NEBL: variants seen among roughly 807,000 people sequenced by gnomAD.
NEBL encodes the protein LIM and SH3 protein 2.
In NEBL, 122 loss-of-function variants were observed where a neutral mutation model predicts 140.2. The ratio of observed to expected loss-of-function variants is 0.87; its 90% confidence interval spans 0.75 to 1.01. The LOEUF is 1.01. NEBL is among the 50% of genes least tolerant of loss of function. The pLI, the probability that NEBL is intolerant of heterozygous loss-of-function variation, is 0.00. For synonymous variants in NEBL, 436 were observed against 398.9 expected, an observed-to-expected ratio of 1.09 and a Z score of -1.11; for missense variants, 1,365 against 1,231.3, an observed-to-expected ratio of 1.11 and a Z score of -1.62.
intron 4 of NEBL, among the ~76,000 whole-genome samples, chr10:20,905,456 A>G (rs374167218): frequency 1.3e-5 from 2 of 152,298 alleles, no homozygotes; most frequent in East Asian, 3.9e-4. Context: ...AGCCAGCAAG[A>G]GCAGGGAAAA....
At chr10:21,167,642 G>T (rs1399391166) in intron 2 of NEBL, among the ~76,000 whole-genome samples, 2 of 152,182 alleles carry the variant, frequency 1.3e-5, no homozygotes, top group Non-Finnish European at 2.9e-5. Flanking sequence ...ATGCAATTTT[G>T]ACTTATACAC....
At chr10:21,076,797 C>A (rs138871110) in intron 2 of NEBL, among the ~76,000 whole-genome samples, 1 of 152,208 alleles carries the variant, frequency 6.6e-6, no homozygotes, top group East Asian at 1.9e-4. Flanking sequence ...TTATATTTGG[C>A]CCTAGAGTAG....
intron 3 of NEBL, among the ~76,000 whole-genome samples, chr10:20,889,475 A>G (rs189645963): frequency 1.5e-3 from 227 of 152,340 alleles, no homozygotes; most frequent in African/African-American, 4.8e-3. Context: ...CCAAAATGAT[A>G]TTCAATCATT....
At chr10:21,243,346 G>A (rs996871430) in intron 3 of NEBL, among the ~76,000 whole-genome samples, 3 of 139,604 alleles carry the variant, frequency 2.1e-5, no homozygotes, top group Non-Finnish European at 3.0e-5. Context: ...GCATGCTGTC[G>A]CCTAGACTGG....
At chr10:20,961,268 T>C (rs1006852638) in intron 4 of NEBL, among the ~76,000 whole-genome samples, 1 of 152,186 alleles carries the variant, frequency 6.6e-6, no homozygotes, top group Non-Finnish European at 1.5e-5. Context: ...TCAACAAATA[T>C]CTAATTCAAA....
intron 3 of NEBL, among the ~76,000 whole-genome samples, chr10:21,241,408 G>T (rs1015317427): frequency 6.6e-6 from 1 of 152,124 alleles, no homozygotes; most frequent in Non-Finnish European, 1.5e-5. Context: ...CGCATCTGTG[G>T]CTGTTCTGCT....
At position 20,861,493 on chromosome 10, in the gene NEBL, C is replaced by G. The variant is rs572929524; in HGVS notation, c.685-1667G>C. On this transcript the variant is annotated intron_variant, in intron 7 of 27. Coordinates refer to ENST00000377122, the MANE Select transcript of NEBL (RefSeq NM_006393.3). ...CGCGCCCAGCCACAGTCTTATTGCC[C>G]TCTTCACCCTTCTGCTATACTTTTA... Among the ~76,000 whole-genome samples the G allele has an allele frequency of 1.3e-4, 20 of 152,146 alleles. No homozygotes were observed. In the East Asian group the frequency reaches 3.5e-3, roughly 27 times the overall value.
At chr10:21,010,562 C>A (rs1019054664) in intron 3 of NEBL, among the ~76,000 whole-genome samples, 19 of 151,560 alleles carry the variant, frequency 1.3e-4, no homozygotes, top group African/African-American at 4.1e-4. Flanking sequence ...CCAAGACCAA[C>A]TTTTGAAGTT....
chr10:21,161,109 T>C (rs1434128888), intron 2 of NEBL, among the ~76,000 whole-genome samples: 2 of 152,192 alleles, frequency 1.3e-5, no homozygotes, highest in Non-Finnish European at 2.9e-5. Flanking sequence ...GCATTATCAG[T>C]CCAAGCATGG....
intron 2 of NEBL, among the ~76,000 whole-genome samples, chr10:21,123,717 T>C (rs1268905932): frequency 6.9e-6 from 1 of 145,550 alleles, no homozygotes; most frequent in Non-Finnish European, 1.5e-5. Context: ...TGATCATATA[T>C]CATCAGAATA....
At chr10:21,070,151 T>A (rs187555206) in intron 2 of NEBL, 1 of 367,468 alleles carries the variant, frequency 2.7e-6, no homozygotes, top group Admixed American at 3.1e-5. Flanking sequence ...GAGTTGGAAT[T>A]TGGCCAGGAC....
chr10:20,938,638 T>C (rs929569686), intron 4 of NEBL, among the ~76,000 whole-genome samples: 16 of 151,598 alleles, frequency 1.1e-4, no homozygotes, highest in Non-Finnish European at 4.4e-5. Flanking sequence ...ATCAAACTAC[T>C]CTGAGCTAAA....
At chr10:20,939,592 C>A (rs1276782339) in intron 4 of NEBL, among the ~76,000 whole-genome samples, 1 of 152,130 alleles carries the variant, frequency 6.6e-6, no homozygotes, top group Non-Finnish European at 1.5e-5. Flanking sequence ...CAATATTAAC[C>A]TTAAACGTAA....
intron 2 of NEBL, among the ~76,000 whole-genome samples, chr10:21,038,306 C>T (rs556575859): frequency 5.3e-5 from 8 of 152,278 alleles, no homozygotes; most frequent in African/African-American, 1.4e-4. Flanking sequence ...AACCCGTTAT[C>T]TAGGTTTTAA....
At chr10:20,897,330 GCC>G (rs911975088), upstream of NEBL, 27 of 1,481,892 alleles carry the variant, frequency 1.8e-5, no homozygotes, top group Admixed American at 4.7e-4. Flanking sequence ...CCAAGCCTCA[GCC>G]CTATTTAGCC....
intron 3 of NEBL, among the ~76,000 whole-genome samples, chr10:21,006,720 C>T (rs963495101): frequency 6.6e-6 from 1 of 152,290 alleles, no homozygotes; most frequent in Middle Eastern, 3.4e-3. Context: ...TTAGGAGCCA[C>T]CCTTCTAGAG....
chr10:21,020,411 C>T (rs940495305), intron 2 of NEBL, among the ~76,000 whole-genome samples: 1 of 152,110 alleles, frequency 6.6e-6, no homozygotes, highest in African/African-American at 2.4e-5. Context: ...CTCTCTCCCA[C>T]AGCTTAACCT....
exon 4 of NEBL, chr10:20,961,708 T>C (rs1836057022): frequency 6.2e-7 from 1 of 1,613,844 alleles, no homozygotes. Flanking sequence ...TCAGTCTCTG[T>C]AGCTCAGGAG....
intron 4 of NEBL, among the ~76,000 whole-genome samples, chr10:20,928,766 C>T (rs1280606992): frequency 2.6e-5 from 4 of 152,154 alleles, no homozygotes; most frequent in Admixed American, 6.6e-5. Context: ...CTTGTATCAC[C>T]GGTTTCTCCT....
Sources: allele counts gnomAD v4.1 joint callset (sites outside exome capture counted in the v4.1 genomes callset), GRCh38; gene constraint gnomAD v4.1.1; transcripts MANE v1.5; gene names NCBI Gene and HGNC (gene_info 2026-07-23, HGNC 2026-07-21).